WNK4: variants seen among roughly 807,000 people sequenced by gnomAD.
The protein encoded by WNK4 is WNK lysine deficient protein kinase 4, also known as serine/threonine-protein kinase WNK4.
In WNK4, 94 loss-of-function variants were observed where a neutral mutation model predicts 116.2. The ratio of observed to expected loss-of-function variants is 0.81; its 90% confidence interval spans 0.68 to 0.96. The LOEUF is 0.96. Among genes scored for constraint, WNK4 ranks in the 40% least tolerant of loss-of-function variants. The pLI is 0.00. For synonymous variants in WNK4, 655 were observed against 672.7 expected (o/e 0.97, Z 0.41); for missense variants, 1,542 against 1,650.6 (o/e 0.93, Z 1.14).
Position 42,784,437 on chromosome 17 carries a change from T to C in WNK4, c.1028T>C (p.Met343Thr). The C allele has an allele frequency of 1.9e-6, 3 of 1,613,624 alleles. No individual in the cohort carries two copies. Among genetic ancestry groups the C allele is most frequent in the Non-Finnish European group, 1.7e-6 (2 of 1,179,840 alleles). Residue 343 changes from methionine (M) to threonine (T), a missense_variant, in exon 4 of 19, where the codon ATG (methionine) becomes ACG (threonine). By Grantham distance (81) the Met-to-Thr change is moderately conservative (BLOSUM62 -1). Transcript: ENST00000246914. This position sits in a 1 kb window ranked among gnomAD's most constrained non-coding sequence, Gnocchi z 4.4. ...AKSVIGTPEF[M>T]APEMYEEKYD... ...GACCCTACAGGGACCCCGGAATTCA[T>C]GGCCCCCGAGATGTACGAGGAAAAG...
At chr17:42,788,214 C>G (rs1207498802) in intron 9 of WNK4, 26 bp downstream of exon 9, 1 of 1,614,060 alleles carries the variant, frequency 6.2e-7, no homozygotes, top group East Asian at 2.2e-5. Flanking sequence ...AGTTGGGGTG[C>G]CAGGGTGAGA....
In WNK4 at chr17:42,784,426, C is replaced by G. The variant is rs1410372921; in HGVS notation, c.1017C>G (p.Thr339=). The G allele has an allele frequency of 5.0e-6, 8 of 1,613,450 alleles. No individual in the cohort carries two copies. The highest frequency in any genetic ancestry group is 6.8e-6 in the Non-Finnish European group (8 of 1,179,792). Reference sequence around the variant, plus strand: ...TCCCTGCTGTGGACCCTACAGGGACCCCGGAATTCATGGCCCCCGAGATGT... The same window carrying G: ...TCCCTGCTGTGGACCCTACAGGGACGCCGGAATTCATGGCCCCCGAGATGT... ...RASFAKSVIG[T]PEFMAPEMYE... Residue 339 remains threonine, a synonymous_variant, in exon 4 of 19, where the codon ACC becomes ACG. Transcript: ENST00000246914. The surrounding 1 kb of genome is among the most constrained non-coding windows in gnomAD (Gnocchi z 4.4).
rs746371799 is a variant in WNK4, at chr17:42,781,227, GAC to G, written c.531_532del (p.Ile178ArgfsTer26). On this transcript the variant is annotated frameshift_variant, in exon 1 of 19. Coordinates refer to ENST00000246914, the MANE Select transcript of WNK4 (RefSeq NM_032387.5). LOFTEE classifies it high-confidence loss of function. The part of the protein sequence containing the change: ...TSPDGRYLKF[D>X]IEIGRGSFKT... Reference sequence around the variant, plus strand: ...CCCCGATGGCCGATACCTCAAGTTTGACATCGAGATTGGACGTGGCTCCTTCA... The same window carrying G: ...CCCCGATGGCCGATACCTCAAGTTTGATCGAGATTGGACGTGGCTCCTTCA... 9 of 1,614,084 alleles carry G rather than the reference GAC, an allele frequency of 5.6e-6. No homozygotes were observed. The Admixed American group carries it at 1.5e-4, about 27-fold the overall frequency.
Position 42,796,521 on chromosome 17 carries a change from CT to C in WNK4, c.3673del (p.Ser1225ProfsTer10), listed in dbSNP as rs763885152. 3.1e-6 allele frequency: 5 copies of C among 1,613,952 alleles called. No individual in the cohort carries two copies. The highest frequency in any genetic ancestry group is 1.6e-4 in the Middle Eastern group (1 of 6,082). Reference protein sequence around the residue: ...RNSLSGSSTGSQEQRASKGVT... With the variant: ...RNSLSGSSTGXQEQRASKGVT... Reference sequence around the variant, plus strand: ...ACTCTCTGAGTGGCAGCAGCACCGGCTCCCAGGAGCAGCGGGCAAGCAAGGG... The same window carrying C: ...ACTCTCTGAGTGGCAGCAGCACCGGCCCCAGGAGCAGCGGGCAAGCAAGGG... On this transcript the variant is annotated frameshift_variant, in exon 18 of 19. Coordinates refer to ENST00000246914, the MANE Select transcript of WNK4 (RefSeq NM_032387.5). LOFTEE classifies it high-confidence loss of function.
In WNK4 at chr17:42,780,995, G is replaced by T. The variant is rs61754327; in HGVS notation, c.297G>T (p.Pro99=). The T allele has an allele frequency of 8.6e-5, 139 of 1,610,052 alleles. No homozygotes were observed. The African/African-American group carries it at 1.6e-3, about 19-fold the overall frequency. Residue 99 remains proline, a synonymous_variant, in exon 1 of 19, where the codon CCG becomes CCT. Transcript: ENST00000246914. ...GTCCTGGCCCCGCGAGGAGCCCACC[G>T]CCTAGCTCCAAAGAACCCCCCGAGG... is the stretch of plus-strand genomic sequence containing the variant. ...SAGPGPARSP[P]PSSKEPPEGT...
chr17:42,784,587 G>C lies in WNK4; in HGVS notation c.1170+8G>C. The C allele has an allele frequency of 6.2e-7, 1 of 1,614,128 alleles. No individual in the cohort carries two copies. Among genetic ancestry groups the C allele is most frequent in the Non-Finnish European group, 8.5e-7 (1 of 1,180,030 alleles). Reference sequence around the variant, plus strand: ...TACCGCAAGGTCACTTCGGTGAGAGGGATGGGGCTGGCGGGAAAGGCAATT... The same window carrying C: ...TACCGCAAGGTCACTTCGGTGAGAGCGATGGGGCTGGCGGGAAAGGCAATT... On this transcript the variant is annotated splice_region_variant and intron_variant, in intron 4 of 18. Coordinates refer to ENST00000246914, the MANE Select transcript of WNK4 (RefSeq NM_032387.5). This position sits in a 1 kb window ranked among gnomAD's most constrained non-coding sequence, Gnocchi z 4.4.
chr17:42,794,507 C>A (rs1304547611), intron 12 of WNK4, 107 bp from the exon 13 acceptor site: 1 of 1,201,530 alleles, frequency 8.3e-7, no homozygotes, highest in Non-Finnish European at 1.2e-6. Context: ...AACTCATGTA[C>A]AGACTCCTAT....
rs2054681838 is a variant in WNK4, at chr17:42,796,817, C to T, written c.*129C>T. On this transcript the variant is annotated 3_prime_UTR_variant, in exon 19 of 19. Coordinates refer to ENST00000246914, the MANE Select transcript of WNK4 (RefSeq NM_032387.5). ...TCCCAACACTGAAGGGGTAGAAGGC[C>T]AGGGGGGCATGGAGAGTGCAGCTCC... 1 of 1,593,062 alleles carries T rather than the reference C, an allele frequency of 6.3e-7. No homozygotes were observed.
At chr17:42,794,699 C>A in intron 13 of WNK4, 31 bp downstream of exon 13, 5 of 1,613,880 alleles carry the variant, frequency 3.1e-6, no homozygotes, top group Non-Finnish European at 4.2e-6. Context: ...TTGCTCATCC[C>A]AACCCCTGGG....
At chr17:42,789,447 G>T (rs557732190) in intron 11 of WNK4, among the ~76,000 whole-genome samples, 3 of 150,642 alleles carry the variant, frequency 2.0e-5, no homozygotes, top group African/African-American at 7.3e-5. Flanking sequence ...CAGATCACCC[G>T]AGGTCAGGAG....
Position 42,784,156 on chromosome 17 carries a change from C to T in WNK4, c.1011C>T (p.Ile337=), listed in dbSNP as rs1251233995. 1.2e-6 allele frequency: 2 copies of T among 1,605,148 alleles called. No individual in the cohort carries two copies. The highest frequency in any genetic ancestry group is 1.7e-6 in the Non-Finnish European group (2 of 1,179,984). Residue 337 remains isoleucine (I), a splice_region_variant and synonymous_variant, in exon 3 of 19, where the codon ATC becomes ATT. Coordinates refer to ENST00000246914, the MANE Select transcript of WNK4 (RefSeq NM_032387.5). The surrounding 1 kb of genome is among the most constrained non-coding windows in gnomAD (Gnocchi z 4.4). Reference sequence around the variant, plus strand: ...GCGCCTCCTTTGCCAAGAGTGTCATCGGTGCGTCTCTCCAGGAGGGTCCAT... The same window carrying T: ...GCGCCTCCTTTGCCAAGAGTGTCATTGGTGCGTCTCTCCAGGAGGGTCCAT... ...LKRASFAKSV[I]GTPEFMAPEM... is the part of the protein sequence containing the mutation.
At chr17:42,788,495 G>A (rs9900938) in intron 10 of WNK4, 88 bp downstream of exon 10, 23 of 1,384,184 alleles carry the variant, frequency 1.7e-5, no homozygotes, top group Non-Finnish European at 2.2e-5. Flanking sequence ...CCCAGAAAAC[G>A]GGAGAAGCAG....
Position 42,795,724 on chromosome 17 carries a change from C to A in WNK4, c.3122C>A (p.Ser1041Tyr), listed in dbSNP as rs1474918500. Residue 1041 changes from serine (S) to tyrosine (Y), a missense_variant, in exon 16 of 19, where the codon TCT becomes TAT. Physicochemically the swap from Ser to Tyr is moderately radical, Grantham distance 144. Coordinates refer to ENST00000246914, the MANE Select transcript of WNK4 (RefSeq NM_032387.5). The part of the protein sequence containing the change: ...LQPTSPTLSG[S>Y]PKPSTPQLTS... ...CCAACATCCCCCACTCTCTCTGGTT[C>A]TCCAAAACCTTCAACCCCTCAGCTC... 6.2e-7 allele frequency: 1 copy of A among 1,613,434 alleles called. No individual in the cohort carries two copies. Among genetic ancestry groups the A allele is most frequent in the Non-Finnish European group, 8.5e-7 (1 of 1,180,030 alleles).
chr17:42,783,500 C>T, intron 2 of WNK4: 1 of 302,844 alleles, frequency 3.3e-6, no homozygotes, highest in Non-Finnish European at 6.3e-6. Flanking sequence ...CCTGGCACCT[C>T]CTCCCACCCT....
chr17:42,785,257 C>T lies in WNK4; in HGVS notation c.1260-9C>T. 6.2e-7 allele frequency: 1 copy of T among 1,607,892 alleles called. No individual in the cohort carries two copies. Among genetic ancestry groups the T allele is most frequent in the East Asian group, 2.2e-5 (1 of 44,622 alleles). ...CGGCGGGCTCGGCTCACCCACGCGT[C>T]ACCCTCAGGTTCACCATCCAGGACC... On this transcript the variant is annotated splice_polypyrimidine_tract_variant and intron_variant, in intron 5 of 18. Coordinates refer to ENST00000246914, the MANE Select transcript of WNK4 (RefSeq NM_032387.5).
In WNK4 at chr17:42,784,037, A is replaced by G. The variant is rs772677276; in HGVS notation, c.892A>G (p.Ile298Val). 3.1e-6 allele frequency: 5 copies of G among 1,614,024 alleles called. No homozygotes were observed. The Admixed American group carries it at 6.7e-5, about 22-fold the overall frequency. Residue 298 changes from isoleucine (I) to valine (V), a missense_variant, in exon 3 of 19, where the codon ATC becomes GTC. Coordinates refer to ENST00000246914, the MANE Select transcript of WNK4 (RefSeq NM_032387.5). The surrounding 1 kb of genome is among the most constrained non-coding windows in gnomAD (Gnocchi z 4.4). ...LHFLHSRVPP[I>V]LHRDLKCDNV... ...TTTCCTACACTCCCGGGTTCCTCCC[A>G]TCCTGCACCGGGATCTCAAGTGCGA...
intron 11 of WNK4, among the ~76,000 whole-genome samples, chr17:42,793,278 G>A (rs2054624308): frequency 6.6e-6 from 1 of 152,106 alleles, no homozygotes; most frequent in Admixed American, 6.5e-5. Flanking sequence ...GAGTGCGGTG[G>A]TGTGATCTTG....
In WNK4 at chr17:42,796,862, C is replaced by A; in HGVS notation, c.*174C>A. 7.8e-7 allele frequency: 1 copy of A among 1,277,420 alleles called. No homozygotes were observed. Among genetic ancestry groups the A allele is most frequent in the African/African-American group, 1.5e-5 (1 of 67,356 alleles). 79.1% of individuals were successfully genotyped at this position (1,277,420 alleles called of 1,614,324 possible). A position where few individuals can be genotyped will look rare whatever the true frequency, so the allele number is the denominator to read the frequency against. On this transcript the variant is annotated 3_prime_UTR_variant, in exon 19 of 19. Transcript: ENST00000246914. ...AGCTCCATTATAGTGAAGAGCCAAA[C>A]ATATGTGAACTGTTTGCTGTGTGGA...
In WNK4 at chr17:42,796,129, G is replaced by T; in HGVS notation, c.3438G>T (p.Leu1146Phe). 2 of 1,614,156 alleles carry T rather than the reference G, an allele frequency of 1.2e-6. No homozygotes were observed. Among genetic ancestry groups the T allele is most frequent in the African/African-American group, 1.3e-5 (1 of 75,042 alleles). Reference protein sequence around the residue: ...AELQSLRQKHLSEVETLQTLQ... With the variant: ...AELQSLRQKHFSEVETLQTLQ... The stretch of plus-strand genomic sequence containing the variant: ...GCCCTCCGTGCATCCTCAGGCACTT[G>T]TCAGAGGTGGAAACACTACAGACAC... Residue 1146 changes from leucine to phenylalanine, a missense_variant, in exon 17 of 19, where the codon TTG (leucine) becomes TTT (phenylalanine). This residue lies in a region of WNK4 where 148 missense variants were observed against 157.2 expected (regional missense o/e 0.94). Transcript: ENST00000246914.
Sources: gnomAD v4.1 joint callset for allele counts (sites outside exome capture counted in the v4.1 genomes callset) on GRCh38, gnomAD v4.1.1 for gene constraint, gnomAD v4.1.1 regional missense constraint, Gnocchi (gnomAD v3.1) non-coding constraint, MANE v1.5 for transcripts, NCBI Gene and HGNC (gene_info 2026-07-23, HGNC 2026-07-21) for gene names.